The following EIF2AK1 variants were observed in gnomAD, a reference collection of about 807,000 sequenced individuals.
EIF2AK1 encodes eukaryotic translation initiation factor 2 alpha kinase 1.
EIF2AK1 carries 54 observed loss-of-function variants against 77.9 expected under a neutral mutation model. That is an observed-to-expected ratio of 0.69 (90% CI 0.56 to 0.87). The LOEUF (loss-of-function observed/expected upper bound fraction) is 0.87. EIF2AK1 is among the 40% of genes least tolerant of loss of function. The pLI is 0.00. For synonymous variants in EIF2AK1, 314 were observed against 290.5 expected, an observed-to-expected ratio of 1.08 and a Z score of -0.82; for missense variants, 810 against 768.6, an observed-to-expected ratio of 1.05 and a Z score of -0.64.
intron 10 of EIF2AK1, 118 bp from the exon 11 acceptor site, chr7:6,037,642 T>A (rs965986784): frequency 3.2e-5 from 22 of 682,642 alleles, no homozygotes; most frequent in Non-Finnish European, 5.3e-5. Context: ...AATCTAGATT[T>A]TCAACAAAGT....
In EIF2AK1 at chr7:6,050,010, A is replaced by G. The variant is rs200092910; in HGVS notation, c.313T>C (p.Ser105Pro). ...CQTFIKMGLL[S>P]SFTCSDEFSS... ...AACTCGTCACTACAAGTGAAAGAAG[A>G]CAGCAGCCCCATTTTGATAAACGTC... Residue 105 changes from serine to proline, a missense_variant, in exon 3 of 15, where the codon TCT becomes CCT. Transcript: ENST00000199389. The G allele has an allele frequency of 1.2e-6, 2 of 1,612,476 alleles. No individual in the cohort carries two copies. Among genetic ancestry groups the G allele is most frequent in the Non-Finnish European group, 1.7e-6 (2 of 1,179,406 alleles).
At position 6,024,415 on chromosome 7, in the gene EIF2AK1, TGAAAG is replaced by T; in HGVS notation, c.*253_*257del. The T allele has an allele frequency of 7.5e-7, 1 of 1,337,472 alleles. No homozygotes were observed. The highest frequency in any genetic ancestry group is 9.6e-7 in the Non-Finnish European group (1 of 1,042,702). 82.9% of individuals were successfully genotyped at this position (1,337,472 alleles called of 1,614,324 possible). A position where few individuals can be genotyped will look rare whatever the true frequency, so the allele number is the denominator to read the frequency against. ...AGACCAGACAGAGGGTCAACAGAGT[TGAAAG>T]GAGAAAATAATTGAGGATGAGGTCC... On this transcript the variant is annotated 3_prime_UTR_variant, in exon 15 of 15. Transcript: ENST00000199389.
rs957460752 is a variant in EIF2AK1 at position 6,028,845 on chromosome 7, C to G, written c.1447+73G>C. ...CCTTTGCTATTAAATCTTTATGATT[C>G]TCTTTAAATACTAACATGTGCAACC... is the stretch of plus-strand genomic sequence containing the variant. On this transcript the variant is annotated intron_variant, in intron 12 of 14. Coordinates refer to ENST00000199389, the MANE Select transcript of EIF2AK1 (RefSeq NM_014413.4). 2.8e-5 allele frequency: 41 copies of G among 1,463,694 alleles called. No homozygotes were observed. In the Admixed American group the frequency reaches 3.0e-4, roughly 11 times the overall value. 90.7% of individuals were successfully genotyped at this position (1,463,694 alleles called of 1,614,324 possible).
Position 6,031,279 on chromosome 7 carries a change from G to T in EIF2AK1, c.1333-2247C>A. ...CAGATCCAATTCTCGACAAATTCTAGAACAGTTCTAGAACTGAACTGAAAG... is the reference window on the plus strand; with the variant it reads ...CAGATCCAATTCTCGACAAATTCTATAACAGTTCTAGAACTGAACTGAAAG... On this transcript the variant is annotated intron_variant, in intron 11 of 14. Coordinates refer to ENST00000199389, the MANE Select transcript of EIF2AK1 (RefSeq NM_014413.4). 7 of 1,195,952 alleles carry T rather than the reference G, an allele frequency of 5.9e-6. No homozygotes were observed. In the South Asian group the frequency reaches 7.2e-5, roughly 12 times the overall value. The allele number at this position is 1,195,952 out of a possible 1,614,324, so 74.1% of individuals were successfully genotyped here. A position where few individuals can be genotyped will look rare whatever the true frequency, so the allele number is the denominator to read the frequency against.
At chr7:6,058,660 G>A (rs1788862914) in intron 1 of EIF2AK1, among the ~76,000 whole-genome samples, 1 of 152,232 alleles carries the variant, frequency 6.6e-6, no homozygotes. Flanking sequence ...CCCAGGGCAT[G>A]GGGGCAAGAC....
intron 11 of EIF2AK1, among the ~76,000 whole-genome samples, chr7:6,031,946 G>A (rs768753036): frequency 6.6e-6 from 1 of 152,180 alleles, no homozygotes. Context: ...GGCTGAGGTG[G>A]GTGGATCACC....
chr7:6,055,887 G>A (rs1050043506), intron 1 of EIF2AK1, among the ~76,000 whole-genome samples: 1 of 148,524 alleles, frequency 6.7e-6, no homozygotes, highest in East Asian at 2.0e-4. Context: ...GGAGGCTGAG[G>A]CAGGAGAATC....
chr7:6,030,667 T>G (rs1407036347), intron 11 of EIF2AK1, among the ~76,000 whole-genome samples: 1 of 152,090 alleles, frequency 6.6e-6, no homozygotes, highest in Non-Finnish European at 1.5e-5. Flanking sequence ...GCCAGCTACT[T>G]TTTGTATTTT....
chr7:6,029,689 A>G (rs1172145142), intron 11 of EIF2AK1, among the ~76,000 whole-genome samples: 1 of 152,128 alleles, frequency 6.6e-6, no homozygotes, highest in Non-Finnish European at 1.5e-5. Flanking sequence ...GCTCTTAGAA[A>G]TGACTGTCCT....
rs747111139 is a variant in EIF2AK1, at chr7:6,023,622, T to C, written c.*1051A>G. On this transcript the variant is annotated 3_prime_UTR_variant, in exon 15 of 15. Coordinates refer to ENST00000199389, the MANE Select transcript of EIF2AK1 (RefSeq NM_014413.4). Reference sequence around the variant, plus strand: ...GCTGCAGTGTGACAGTGCCAGCCAATGTGCAGAGGTGGATGAGGTCTTGTG... The same window carrying C: ...GCTGCAGTGTGACAGTGCCAGCCAACGTGCAGAGGTGGATGAGGTCTTGTG... 4.3e-6 allele frequency: 7 copies of C among 1,614,004 alleles called. No homozygotes were observed. The highest frequency in any genetic ancestry group is 1.6e-4 in the Middle Eastern group (1 of 6,084).
Position 6,059,133 on chromosome 7 carries a change from G to A in EIF2AK1, c.-50C>T. The A allele has an allele frequency of 2.5e-6, 3 of 1,211,708 alleles. No homozygotes were observed. Among genetic ancestry groups the A allele is most frequent in the Non-Finnish European group, 3.2e-6 (3 of 932,398 alleles). The allele number at this position is 1,211,708 out of a possible 1,614,324, so 75.1% of individuals were successfully genotyped here. A position where few individuals can be genotyped will look rare whatever the true frequency, so the allele number is the denominator to read the frequency against. On this transcript the variant is annotated 5_prime_UTR_variant, in exon 1 of 15. Coordinates refer to ENST00000199389, the MANE Select transcript of EIF2AK1 (RefSeq NM_014413.4). ...CCAGCCCGCCGGCCAGCCCAGCACT[G>A]CCACACTCCGATGCTGCAGCTAGCG...
chr7:6,059,094 GCGCGGGCCGCAGCCCAGCC>G lies in EIF2AK1; in HGVS notation c.-30_-12del, dbSNP rs966561502. On this transcript the variant is annotated 5_prime_UTR_variant, in exon 1 of 15. Transcript: ENST00000199389. ...GTTGCCCCCCTGCATCGCCGGCCGC[GCGCGGGCCGCAGCCCAGCC>G]CGCCGGCCAGCCCAGCACTGCCACA... 2.2e-6 allele frequency: 3 copies of G among 1,373,334 alleles called. No homozygotes were observed. The highest frequency in any genetic ancestry group is 2.8e-6 in the Non-Finnish European group (3 of 1,069,720). 85.1% of individuals were successfully genotyped at this position (1,373,334 alleles called of 1,614,324 possible).
In EIF2AK1 at chr7:6,032,769, G is replaced by A. The variant is rs748181404; in HGVS notation, c.1333-3737C>T. The stretch of plus-strand genomic sequence containing the variant: ...AAATAAATGTATTGCCTTTGAAACG[G>A]CAAGCTAACACAAACAGTATTTTTA... On this transcript the variant is annotated intron_variant, in intron 11 of 14. Transcript: ENST00000199389. This position sits in a 1 kb window ranked among gnomAD's most constrained non-coding sequence, Gnocchi z 4.3. 9.2e-6 allele frequency: 12 copies of A among 1,301,622 alleles called. No homozygotes were observed. Among genetic ancestry groups the A allele is most frequent in the Non-Finnish European group, 1.2e-5 (11 of 930,874 alleles). The allele number at this position is 1,301,622 out of a possible 1,614,324, so 80.6% of individuals were successfully genotyped here. A position where few individuals can be genotyped will look rare whatever the true frequency, so the allele number is the denominator to read the frequency against.
At chr7:6,041,480 A>G (rs1449521385) in intron 8 of EIF2AK1, among the ~76,000 whole-genome samples, 1 of 151,868 alleles carries the variant, frequency 6.6e-6, no homozygotes, top group Non-Finnish European at 1.5e-5. Flanking sequence ...TGGAGGTTAT[A>G]GTGAGCTGAG....
At position 6,040,484 on chromosome 7, in the gene EIF2AK1, C is replaced by A. The variant is rs976440818; in HGVS notation, c.1119+408G>T. ...CTGAAAACTACAACTAACATAAAAC[C>A]AATTTTAAAATTAAAAAGAATATCC... On this transcript the variant is annotated intron_variant, in intron 9 of 14. Transcript: ENST00000199389. Among the ~76,000 whole-genome samples the A allele has an allele frequency of 2.6e-5, 4 of 152,264 alleles. No individual in the cohort carries two copies. The East Asian group carries it at 7.7e-4, about 29-fold the overall frequency.
intron 1 of EIF2AK1, among the ~76,000 whole-genome samples, chr7:6,054,920 G>A (rs529332690): frequency 6.6e-5 from 10 of 152,264 alleles, no homozygotes; most frequent in South Asian, 2.1e-4. Context: ...GAAAGATGCC[G>A]TGAGACAGAG....
rs1788516915 is a variant in EIF2AK1, at chr7:6,048,831, T to C, written c.425A>G (p.Asp142Gly). 29 of 1,588,732 alleles carry C rather than the reference T, an allele frequency of 1.8e-5. No homozygotes were observed. Among genetic ancestry groups the C allele is most frequent in the Non-Finnish European group, 2.4e-5 (28 of 1,172,454 alleles). Reference sequence around the variant, plus strand: ...CCTGATTTTCTGGATACGAGAAATATCCTCACAAGGATCCTACAATTAAAA... The same window carrying C: ...CCTGATTTTCTGGATACGAGAAATACCCTCACAAGGATCCTACAATTAAAA... Reference protein sequence around the residue: ...KERVRQDPCEDISRIQKIRSR... With the variant: ...KERVRQDPCEGISRIQKIRSR... Residue 142 changes from aspartate to glycine, a missense_variant, in exon 4 of 15, where the codon GAT becomes GGT. By Grantham distance (94) the Asp-to-Gly change is moderately conservative (BLOSUM62 -1). Coordinates refer to ENST00000199389, the MANE Select transcript of EIF2AK1 (RefSeq NM_014413.4).
In EIF2AK1 at chr7:6,026,801, G is replaced by T; in HGVS notation, c.1691C>A (p.Thr564Lys). The T allele has an allele frequency of 6.2e-7, 1 of 1,614,184 alleles. No individual in the cohort carries two copies. Among genetic ancestry groups the T allele is most frequent in the Non-Finnish European group, 8.5e-7 (1 of 1,180,042 alleles). ...TGGTCTCTGCGATGAGTTCCTTCTC[G>T]TTAAGTGCTGGATATACTTGGCTTG... ...PVQAKYIQHL[T>K]RRNSSQRPSA... The change falls in exon 14 of 15, where the codon ACG becomes AAG. Residue 564 changes from threonine to lysine, a missense_variant. This residue lies in a region of EIF2AK1 where 549 missense variants were observed against 533.7 expected (regional missense o/e 1.03). Coordinates refer to ENST00000199389, the MANE Select transcript of EIF2AK1 (RefSeq NM_014413.4).
chr7:6,055,982 CAAAAAAAAAAAA>C (rs755531680), intron 1 of EIF2AK1, among the ~76,000 whole-genome samples: 2 of 23,984 alleles, frequency 8.3e-5, no homozygotes, highest in Admixed American at 7.0e-4. Context: ...AACTCTGTCT[CAAAAAAAAAAAA>C]AAAAAAAAAA....
Sources: allele counts gnomAD v4.1 joint callset (sites outside exome capture counted in the v4.1 genomes callset), GRCh38; gene constraint gnomAD v4.1.1; regional missense constraint gnomAD v4.1.1; non-coding constraint Gnocchi (gnomAD v3.1); transcripts MANE v1.5; gene names NCBI Gene and HGNC (gene_info 2026-07-23, HGNC 2026-07-21).